AFAP1: variants seen among roughly 807,000 people sequenced by gnomAD.
The protein encoded by AFAP1 is actin filament-associated protein 1.
AFAP1 carries 75 observed loss-of-function variants against 93.9 expected under a neutral mutation model. That is an observed-to-expected ratio of 0.80 (90% CI 0.66 to 0.97). The LOEUF is 0.97. Among genes scored for constraint, AFAP1 ranks in the 50% least tolerant of loss-of-function variants. AFAP1 has a pLI of 0.00. For synonymous variants in AFAP1, 517 were observed against 430.7 expected (o/e 1.20, Z -2.48); for missense variants, 1,201 against 1,050.8 (o/e 1.14, Z -1.98).
intron 1 of AFAP1, among the ~76,000 whole-genome samples, chr4:7,889,708 A>AG (rs973910784): frequency 6.6e-6 from 1 of 150,576 alleles, no homozygotes; most frequent in African/African-American, 2.4e-5. Context: ...TTTTTTTAAA[A>AG]AAAGAACAAT....
At chr4:7,849,190 C>T (rs145606505) in intron 4 of AFAP1, among the ~76,000 whole-genome samples, 3 of 152,162 alleles carry the variant, frequency 2.0e-5, no homozygotes, top group Non-Finnish European at 4.4e-5. Flanking sequence ...GCAGGAGACC[C>T]ACCAGGCGTC....
At position 7,763,715 on chromosome 4, in the gene AFAP1, A is replaced by T. The variant is rs900449254; in HGVS notation, c.*50T>A. 7.1e-6 allele frequency: 11 copies of T among 1,550,384 alleles called. No individual in the cohort carries two copies. Among genetic ancestry groups the T allele is most frequent in the Middle Eastern group, 3.3e-4 (2 of 5,982 alleles). The stretch of plus-strand genomic sequence containing the variant: ...TTCCTGCCGTCACACAGATGAGGAT[A>T]CAGGCAAGGGGGTGTGCAGTCTCTG... On this transcript the variant is annotated 3_prime_UTR_variant, in exon 18 of 18. Coordinates refer to ENST00000420658, the MANE Select transcript of AFAP1 (RefSeq NM_001134647.2).
chr4:7,790,185 C>T lies in AFAP1; in HGVS notation c.1412+3496G>A, dbSNP rs528394378. 7.2e-5 allele frequency among the ~76,000 whole-genome samples: 11 copies of T among 152,286 alleles called. No individual in the cohort carries two copies. The South Asian group carries it at 2.3e-3, about 32-fold the overall frequency. ...CACTGGCAAGCAACCATATTTTGAACACTGTTTCCTTGTCACATCTCATCT... is the reference window on the plus strand; with the variant it reads ...CACTGGCAAGCAACCATATTTTGAATACTGTTTCCTTGTCACATCTCATCT... On this transcript the variant is annotated intron_variant, in intron 11 of 17. Coordinates refer to ENST00000420658, the MANE Select transcript of AFAP1 (RefSeq NM_001134647.2).
intron 1 of AFAP1, among the ~76,000 whole-genome samples, chr4:7,892,586 C>T (rs1230482153): frequency 1.3e-5 from 2 of 152,186 alleles, no homozygotes; most frequent in Non-Finnish European, 2.9e-5. Flanking sequence ...TGCACTTGAA[C>T]TTGATTATAT....
At chr4:7,909,725 A>C (rs1201063838) in intron 1 of AFAP1, among the ~76,000 whole-genome samples, 1 of 152,110 alleles carries the variant, frequency 6.6e-6, no homozygotes, top group Admixed American at 6.6e-5. Flanking sequence ...AGTGGATCTC[A>C]ATTTTTACTG....
At chr4:7,850,203 T>C (rs1714278314) in intron 4 of AFAP1, among the ~76,000 whole-genome samples, 1 of 152,210 alleles carries the variant, frequency 6.6e-6, no homozygotes, top group Non-Finnish European at 1.5e-5. Flanking sequence ...CTTGTCTCTC[T>C]GAGAGTTACT....
Position 7,763,577 on chromosome 4 carries a change from G to T in AFAP1, c.*188C>A. On this transcript the variant is annotated 3_prime_UTR_variant, in exon 18 of 18. Coordinates refer to ENST00000420658, the MANE Select transcript of AFAP1 (RefSeq NM_001134647.2). ...ACCAAAGTCTTACATCTTTTTTAAA[G>T]GCGCCATTTTACAGTAGAAAGAATA... 1 of 594,714 alleles carries T rather than the reference G, an allele frequency of 1.7e-6. No individual in the cohort carries two copies. Among genetic ancestry groups the T allele is most frequent in the African/African-American group, 1.9e-5 (1 of 53,202 alleles). The allele number at this position is 594,714 out of a possible 1,614,324, so 36.8% of individuals were successfully genotyped here.
At chr4:7,872,959 A>C (rs1326748539) in intron 1 of AFAP1, among the ~76,000 whole-genome samples, 1 of 149,232 alleles carries the variant, frequency 6.7e-6, no homozygotes, top group Non-Finnish European at 1.5e-5. Context: ...AAAAAAAAAA[A>C]ACTACTTGGG....
intron 7 of AFAP1, among the ~76,000 whole-genome samples, chr4:7,818,269 C>G (rs1370211325): frequency 6.6e-6 from 1 of 152,206 alleles, no homozygotes; most frequent in Non-Finnish European, 1.5e-5. Flanking sequence ...GCCTGCGGCC[C>G]ACACTGCAGG....
chr4:7,855,291 C>G (rs1355310959), intron 4 of AFAP1, among the ~76,000 whole-genome samples, 175 bp downstream of exon 4: 1 of 152,226 alleles, frequency 6.6e-6, no homozygotes, highest in Non-Finnish European at 1.5e-5. Flanking sequence ...GTGTGAGGCA[C>G]TCGGTGTCCT....
At chr4:7,893,360 CACGACGTTAGGAGATCCAG>C (rs1189109208) in intron 1 of AFAP1, among the ~76,000 whole-genome samples, 16 of 152,162 alleles carry the variant, frequency 1.1e-4, no homozygotes, top group Non-Finnish European at 2.9e-5. Context: ...GCGGGCGGAT[CACGACGTTAGGAGATCCAG>C]ACCATCCTGG....
chr4:7,863,715 A>C, intron 3 of AFAP1, among the ~76,000 whole-genome samples: 1 of 152,198 alleles, frequency 6.6e-6, no homozygotes, highest in South Asian at 2.1e-4. Context: ...TTAACTATTG[A>C]ATAAAGGTAT....
Position 7,768,250 on chromosome 4 carries a change from C to T in AFAP1, c.2418+594G>A, listed in dbSNP as rs202215748. On this transcript the variant is annotated intron_variant, in intron 17 of 17. Transcript: ENST00000420658. The stretch of plus-strand genomic sequence containing the variant: ...ACTTTCCGCTGCTGCCGCCAGGACC[C>T]GTTTGCTTTGATCAACTACTGTGTT... Among the ~76,000 whole-genome samples the T allele has an allele frequency of 5.9e-3, 903 of 152,344 alleles. 6 individuals are homozygous for T. Among genetic ancestry groups the T allele is most frequent in the Non-Finnish European group, 0.011 (726 of 68,032 alleles).
chr4:7,858,488 G>A lies in AFAP1; in HGVS notation c.226-2914C>T, dbSNP rs371323705. Among the ~76,000 whole-genome samples the A allele has an allele frequency of 1.9e-4, 29 of 152,216 alleles. No individual in the cohort carries two copies. In the East Asian group the frequency reaches 1.9e-3, roughly 10 times the overall value. ...GTTAAAGTCAAACAGGAGAAGGGCC[G>A]AAATGATGAGCAAACTGTCACCACC... On this transcript the variant is annotated intron_variant, in intron 3 of 17. Coordinates refer to ENST00000420658, the MANE Select transcript of AFAP1 (RefSeq NM_001134647.2).
intron 1 of AFAP1, among the ~76,000 whole-genome samples, chr4:7,874,908 C>A (rs948808156): frequency 6.6e-6 from 1 of 151,864 alleles, no homozygotes; most frequent in African/African-American, 2.4e-5. Flanking sequence ...GAATAAATAT[C>A]TTCAAATTTG....
chr4:7,938,739 T>C (rs1397852570), intron 1 of AFAP1, among the ~76,000 whole-genome samples: 1 of 152,166 alleles, frequency 6.6e-6, no homozygotes, highest in African/African-American at 2.4e-5. Context: ...TCCAGATTTT[T>C]TTTTTCTTCC....
At chr4:7,793,512 C>T (rs1229734833) in intron 11 of AFAP1, among the ~76,000 whole-genome samples, 169 bp downstream of exon 11, 1 of 152,234 alleles carries the variant, frequency 6.6e-6, no homozygotes, top group Non-Finnish European at 1.5e-5. Context: ...ACCCAGTGGG[C>T]TGACACGACA....
chr4:7,894,663 T>C (rs1324453353), intron 1 of AFAP1, among the ~76,000 whole-genome samples: 1 of 152,164 alleles, frequency 6.6e-6, no homozygotes, highest in Non-Finnish European at 1.5e-5. Flanking sequence ...GCTCCTTCTA[T>C]ACACCCACTT....
intron 1 of AFAP1, among the ~76,000 whole-genome samples, chr4:7,902,860 A>T (rs1322098156): frequency 1.3e-5 from 2 of 152,202 alleles, no homozygotes; most frequent in Admixed American, 1.3e-4. Flanking sequence ...TGTACAAGGG[A>T]TCTAAAGGCC....
Sources: allele counts gnomAD v4.1 joint callset (sites outside exome capture counted in the v4.1 genomes callset), GRCh38; gene constraint gnomAD v4.1.1; transcripts MANE v1.5; gene names NCBI Gene and HGNC (gene_info 2026-07-23, HGNC 2026-07-21).